FRMD4B: variants seen among roughly 807,000 people sequenced by gnomAD.
The protein encoded by FRMD4B is FERM domain containing 4B, also known as FERM domain-containing protein 4B.
Under a neutral mutation model 141.5 loss-of-function variants are expected in FRMD4B, and 74 were observed. The ratio of observed to expected loss-of-function variants is 0.52; its 90% CI spans 0.43 to 0.63. The LOEUF (loss-of-function observed/expected upper bound fraction) is 0.63. FRMD4B is among the 30% of genes least tolerant of loss of function. The pLI is 0.00. For synonymous variants in FRMD4B, 506 were observed against 467.9 expected (o/e 1.08, Z -1.05); for missense variants, 1,366 against 1,253.4 (o/e 1.09, Z -1.36).
chr3:69,456,034 T>G (rs1176309527), intron 1 of FRMD4B, among the ~76,000 whole-genome samples: 1 of 152,216 alleles, frequency 6.6e-6, no homozygotes, highest in Non-Finnish European at 1.5e-5. Context: ...GTTTAGTTTC[T>G]GGCACGTGGT....
intron 7 of FRMD4B, among the ~76,000 whole-genome samples, chr3:69,243,915 G>C (rs913108731): frequency 2.6e-5 from 4 of 152,074 alleles, no homozygotes; most frequent in African/African-American, 9.7e-5. Flanking sequence ...GCATGGTGGT[G>C]CTCATCTGTA....
chr3:69,401,533 A>C (rs900193383), intron 2 of FRMD4B, among the ~76,000 whole-genome samples: 4 of 152,072 alleles, frequency 2.6e-5, no homozygotes, highest in African/African-American at 7.2e-5. Flanking sequence ...ATCTCTCAGG[A>C]GAAGAGTGTA....
At position 69,249,215 on chromosome 3, in the gene FRMD4B, A is replaced by G. The variant is rs2093445684; in HGVS notation, c.581+11T>C. 1.3e-6 allele frequency: 2 copies of G among 1,545,666 alleles called. No individual in the cohort carries two copies. The highest frequency in any genetic ancestry group is 8.9e-7 in the Non-Finnish European group (1 of 1,123,932). On this transcript the variant is annotated intron_variant, in intron 7 of 22. Transcript: ENST00000398540. Reference sequence around the variant, plus strand: ...ATTTTGCATAGTAATATCAGAAAAGAAAAGCATTACCTGGTATAATCTCCC... The same window carrying G: ...ATTTTGCATAGTAATATCAGAAAAGGAAAGCATTACCTGGTATAATCTCCC...
chr3:69,372,395 T>C (rs1328345710), intron 1 of FRMD4B, among the ~76,000 whole-genome samples: 1 of 152,250 alleles, frequency 6.6e-6, no homozygotes, highest in African/African-American at 2.4e-5. Flanking sequence ...CTGGGTGTGA[T>C]GGCTCATGCC....
At position 69,457,226 on chromosome 3, in the gene FRMD4B, T is replaced by C. The variant is rs528221041; in HGVS notation, c.-128-24465A>G. Reference sequence around the variant, plus strand: ...GTCCACAGCAAGCAAAAATTTTAAGTATTGTATGAACAGGATGGTTATATT... The same window carrying C: ...GTCCACAGCAAGCAAAAATTTTAAGCATTGTATGAACAGGATGGTTATATT... On this transcript the variant is annotated intron_variant, in intron 1 of 5. Coordinates refer to the FRMD4B transcript ENST00000459638. Among the ~76,000 whole-genome samples, 437 of 152,276 alleles carry C rather than the reference T, an allele frequency of 2.9e-3. 1 individual carries two copies. Among genetic ancestry groups the C allele is most frequent in the Non-Finnish European group, 4.2e-3 (284 of 68,002 alleles).
intron 5 of FRMD4B, among the ~76,000 whole-genome samples, chr3:69,280,353 C>G (rs921632895): frequency 6.6e-5 from 10 of 152,094 alleles, no homozygotes; most frequent in Non-Finnish European, 1.2e-4. Context: ...AATGCTTGAC[C>G]CACAGTTCCT....
intron 5 of FRMD4B, among the ~76,000 whole-genome samples, chr3:69,282,456 C>T (rs568560377): frequency 6.6e-6 from 1 of 152,222 alleles, no homozygotes; most frequent in South Asian, 2.1e-4. Context: ...TACGAGTGTT[C>T]TACAGCTGAA....
intron 7 of FRMD4B, among the ~76,000 whole-genome samples, chr3:69,243,221 T>G (rs1362452534): frequency 6.6e-6 from 1 of 152,162 alleles, no homozygotes; most frequent in African/African-American, 2.4e-5. Flanking sequence ...TTAATTAACT[T>G]TCAGAGAGCA....
intron 1 of FRMD4B, among the ~76,000 whole-genome samples, chr3:69,341,375 C>T (rs1393944677): frequency 6.6e-6 from 1 of 152,192 alleles, no homozygotes; most frequent in Non-Finnish European, 1.5e-5. Flanking sequence ...ACTAGAGTGA[C>T]CTTACTCTCA....
intron 1 of FRMD4B, among the ~76,000 whole-genome samples, chr3:69,496,636 AAAGAGAGAGAGAG>A (rs1559545697): frequency 0.02 from 2,380 of 118,086 alleles, 67 homozygotes; most frequent in African/African-American, 0.076. Flanking sequence ...AGAGAGAGAG[AAAGAGAGAGAGAG>A]AGAGAGAGAG....
chr3:69,366,540 A>G (rs995271939), intron 1 of FRMD4B, among the ~76,000 whole-genome samples: 3 of 143,358 alleles, frequency 2.1e-5, no homozygotes, highest in Non-Finnish European at 3.1e-5. Context: ...TTATAATGAT[A>G]TGATATGTAT....
At chr3:69,388,116 T>C (rs1390973468), upstream of FRMD4B, among the ~76,000 whole-genome samples, 2 of 151,998 alleles carry the variant, frequency 1.3e-5, no homozygotes, top group Non-Finnish European at 2.9e-5. Flanking sequence ...AGTTCGACTG[T>C]GTTCTCGGAA....
chr3:69,224,200 G>C (rs1310440031), intron 8 of FRMD4B, among the ~76,000 whole-genome samples: 4 of 152,276 alleles, frequency 2.6e-5, no homozygotes, highest in African/African-American at 9.6e-5. Context: ...AGCTGTAGTA[G>C]AAACCTCTGG....
chr3:69,530,721 T>G (rs763567454), intron 1 of FRMD4B, among the ~76,000 whole-genome samples: 6 of 152,216 alleles, frequency 3.9e-5, no homozygotes, highest in Non-Finnish European at 7.3e-5. Context: ...ATTATGCTGC[T>G]TAATCATAAT....
Position 69,531,292 on chromosome 3 carries a change from C to T in FRMD4B, c.-129+10914G>A, listed in dbSNP as rs147621648. Among the ~76,000 whole-genome samples the T allele has an allele frequency of 9.7e-3, 1,476 of 152,090 alleles. 27 individuals are homozygous for T. Among genetic ancestry groups the T allele is most frequent in the African/African-American group, 0.034 (1,419 of 41,452 alleles). On this transcript the variant is annotated intron_variant, in intron 1 of 5. Transcript: ENST00000459638. Reference sequence around the variant, plus strand: ...TCACATACAGGCTCTCAATCCCACACAATTCAGCTGTCAATAACAGGATTA... The same window carrying T: ...TCACATACAGGCTCTCAATCCCACATAATTCAGCTGTCAATAACAGGATTA...
chr3:69,442,349 T>C (rs1705354807), intron 1 of FRMD4B, among the ~76,000 whole-genome samples: 1 of 152,130 alleles, frequency 6.6e-6, no homozygotes, highest in Non-Finnish European at 1.5e-5. Context: ...CCCAAAGTGC[T>C]GGGATTACAG....
At chr3:69,386,258 A>C, upstream of FRMD4B, 1 of 341,344 alleles carries the variant, frequency 2.9e-6, no homozygotes, top group Non-Finnish European at 5.3e-6. Context: ...AGCTGTGCTA[A>C]GCTCCACCAA....
intron 1 of FRMD4B, among the ~76,000 whole-genome samples, chr3:69,339,319 G>C (rs1702658659): frequency 6.6e-6 from 1 of 152,202 alleles, no homozygotes; most frequent in African/African-American, 2.4e-5. Context: ...ACACAGTGGA[G>C]AGTCAAGCAT....
At chr3:69,482,348 G>A (rs9310159) in intron 1 of FRMD4B, among the ~76,000 whole-genome samples, 21,309 of 152,098 alleles carry the variant, frequency 0.14, 1,617 homozygotes, top group South Asian at 0.19. Context: ...AACTAAGTTG[G>A]GAATTACGAG....
Sources: gnomAD v4.1 joint callset for allele counts (sites outside exome capture counted in the v4.1 genomes callset) on GRCh38, gnomAD v4.1.1 for gene constraint, MANE v1.5 for transcripts, NCBI Gene and HGNC (gene_info 2026-07-23, HGNC 2026-07-21) for gene names.